Variants in CDH4 observed in about 807,000 individuals in gnomAD.
The protein encoded by CDH4 is cadherin 4.
In CDH4, 33 loss-of-function variants were observed where a neutral mutation model predicts 86.0. That is an observed-to-expected ratio of 0.38 (90% CI 0.29 to 0.51). CDH4 has a LOEUF of 0.51. Ranked by LOEUF, CDH4 falls within the 20% of genes least tolerant of loss-of-function variation. The pLI is 0.86. For missense variants in CDH4, 1,114 were observed against 1,307.4 expected, an observed-to-expected ratio of 0.85 and a Z score of 2.28; for synonymous variants, 555 against 549.4, an observed-to-expected ratio of 1.01 and a Z score of -0.14.
chr20:61,286,186 C>T (rs1448549988), intron 2 of CDH4, among the ~76,000 whole-genome samples: 7 of 152,236 alleles, frequency 4.6e-5, no homozygotes, highest in Admixed American at 3.9e-4. Context: ...AGAGGGGATG[C>T]AACCCAGACT....
chr20:61,524,699 G>C (rs2085897694), intron 2 of CDH4, among the ~76,000 whole-genome samples: 1 of 152,090 alleles, frequency 6.6e-6, no homozygotes, highest in African/African-American at 2.4e-5. Context: ...TGCCCAGGCT[G>C]GTCTCGAACT....
chr20:61,256,750 C>T (rs2084100184), intron 2 of CDH4, among the ~76,000 whole-genome samples: 1 of 152,218 alleles, frequency 6.6e-6, no homozygotes, highest in Non-Finnish European at 1.5e-5. Context: ...CAGAGAATCT[C>T]CCAAGCACCT....
At position 61,439,381 on chromosome 20, in the gene CDH4, C is replaced by T. The variant is rs1003600292; in HGVS notation, c.169+184444C>T. Reference sequence around the variant, plus strand: ...GTTGGCTGGGCTCAGCTGGCCTGTCCGGACTTGGAGTTTCTCATGCACCTG... The same window carrying T: ...GTTGGCTGGGCTCAGCTGGCCTGTCTGGACTTGGAGTTTCTCATGCACCTG... On this transcript the variant is annotated intron_variant, in intron 2 of 15. Transcript: ENST00000614565. 6.6e-5 allele frequency among the ~76,000 whole-genome samples: 10 copies of T among 152,308 alleles called. No homozygotes were observed. In the East Asian group the frequency reaches 7.7e-4, roughly 12 times the overall value.
Position 61,451,282 on chromosome 20 carries a change from A to C in CDH4, c.169+196345A>C, listed in dbSNP as rs1280808811. ...AAAAGCGGCTGCATATAAGGAGGAA[A>C]CGGCACGGACCACCATGGAGCATGT... On this transcript the variant is annotated intron_variant, in intron 2 of 15. Transcript: ENST00000614565. 3.3e-5 allele frequency among the ~76,000 whole-genome samples: 5 copies of C among 152,174 alleles called. No homozygotes were observed. The East Asian group carries it at 9.7e-4, about 30-fold the overall frequency.
At chr20:61,803,172 C>T (rs1035436747) in intron 4 of CDH4, among the ~76,000 whole-genome samples, 1 of 151,116 alleles carries the variant, frequency 6.6e-6, no homozygotes, top group African/African-American at 2.4e-5. Flanking sequence ...TGTGGGGTCC[C>T]GTCGTGGCGG....
intron 8 of CDH4, among the ~76,000 whole-genome samples, chr20:61,899,832 G>C (rs573185802): frequency 6.6e-6 from 1 of 152,326 alleles, no homozygotes. Context: ...GATGTGCCCA[G>C]CTCAGCCAGT....
intron 2 of CDH4, among the ~76,000 whole-genome samples, chr20:61,375,787 GTGATGCTATGGT>G (rs1600914255): frequency 1.5e-5 from 1 of 65,604 alleles, no homozygotes; most frequent in East Asian, 4.9e-4. Context: ...AGCACTGGTG[GTGATGCTATGGT>G]TTGTTGATGG....
At chr20:61,700,843 C>T (rs2145884912) in intron 2 of CDH4, among the ~76,000 whole-genome samples, 1 of 152,372 alleles carries the variant, frequency 6.6e-6, no homozygotes, top group African/African-American at 2.4e-5. Flanking sequence ...ATGAGTCTTG[C>T]CTTCAAAGCT....
At chr20:61,521,986 T>C (rs1354408732) in intron 2 of CDH4, among the ~76,000 whole-genome samples, 1 of 152,252 alleles carries the variant, frequency 6.6e-6, no homozygotes, top group Non-Finnish European at 1.5e-5. Flanking sequence ...GAAGGTCCGC[T>C]TATTAATTCC....
intron 2 of CDH4, among the ~76,000 whole-genome samples, chr20:61,659,814 A>G (rs1273212392): frequency 6.6e-6 from 1 of 152,190 alleles, no homozygotes; most frequent in African/African-American, 2.4e-5. Flanking sequence ...GGCTGCTTGC[A>G]GCGAAGGCCT....
Position 61,829,237 on chromosome 20 carries a change from T to G in CDH4, c.577-15431T>G, listed in dbSNP as rs1981472999. ...ATGGATTTGCCTGTCCTGCATACTTTGTGTCAATGGAAGGAGGTATTATGT... is the reference window on the plus strand; with the variant it reads ...ATGGATTTGCCTGTCCTGCATACTTGGTGTCAATGGAAGGAGGTATTATGT... On this transcript the variant is annotated intron_variant, in intron 4 of 15. Coordinates refer to ENST00000614565, the MANE Select transcript of CDH4 (RefSeq NM_001794.5). The surrounding 1 kb of genome is among the most constrained non-coding windows in gnomAD (Gnocchi z 4.2). Among the ~76,000 whole-genome samples, 1 of 152,358 alleles carries G rather than the reference T, an allele frequency of 6.6e-6. No individual in the cohort carries two copies. Among genetic ancestry groups the G allele is most frequent in the Admixed American group, 6.5e-5 (1 of 15,302 alleles).
At chr20:61,587,019 T>C (rs2086482102) in intron 2 of CDH4, among the ~76,000 whole-genome samples, 1 of 152,038 alleles carries the variant, frequency 6.6e-6, no homozygotes, top group Non-Finnish European at 1.5e-5. Context: ...TGAGCCGTGC[T>C]GAGGAAGAAG....
At chr20:61,678,491 G>A (rs138623812) in intron 2 of CDH4, among the ~76,000 whole-genome samples, 6 of 152,344 alleles carry the variant, frequency 3.9e-5, no homozygotes, top group Non-Finnish European at 5.9e-5. Context: ...CGAAAGTGTG[G>A]TGGGCGCAAT....
chr20:61,355,100 T>C (rs28588178), intron 2 of CDH4, among the ~76,000 whole-genome samples: 38,263 of 152,108 alleles, frequency 0.25, 5,060 homozygotes, highest in South Asian at 0.36. Context: ...CAAATGTGGC[T>C]GCAGTCATTG....
chr20:61,514,602 G>A (rs966674675), intron 2 of CDH4, among the ~76,000 whole-genome samples: 7 of 152,132 alleles, frequency 4.6e-5, no homozygotes, highest in South Asian at 2.1e-4. Context: ...TCCATGTTGC[G>A]GGGCCTAGCA....
chr20:61,560,235 G>C (rs918400837), intron 2 of CDH4, among the ~76,000 whole-genome samples: 1 of 152,140 alleles, frequency 6.6e-6, no homozygotes, highest in African/African-American at 2.4e-5. Context: ...GGCCCGGGTA[G>C]CAGATTTAAA....
chr20:61,300,531 G>A (rs970504431), intron 2 of CDH4, among the ~76,000 whole-genome samples: 11 of 152,110 alleles, frequency 7.2e-5, no homozygotes, highest in Non-Finnish European at 1.5e-4. Flanking sequence ...CTCATCCCCC[G>A]TCTGCCCTGC....
chr20:61,481,529 C>T (rs924408448), intron 2 of CDH4, among the ~76,000 whole-genome samples: 4 of 152,220 alleles, frequency 2.6e-5, no homozygotes, highest in Non-Finnish European at 5.9e-5. Flanking sequence ...TCTGTGCAAC[C>T]ATATAGTTGA....
chr20:61,444,318 TA>T, intron 2 of CDH4, among the ~76,000 whole-genome samples: 1 of 141,210 alleles, frequency 7.1e-6, no homozygotes, highest in Non-Finnish European at 1.5e-5. Flanking sequence ...TATTTTTGTG[TA>T]TCTGCACGTG....
Sources: gnomAD v4.1 joint callset for allele counts (sites outside exome capture counted in the v4.1 genomes callset) on GRCh38, gnomAD v4.1.1 for gene constraint, Gnocchi (gnomAD v3.1) non-coding constraint, MANE v1.5 for transcripts, NCBI Gene and HGNC (gene_info 2026-07-23, HGNC 2026-07-21) for gene names.